Variants in GPC3 observed in about 807,000 individuals in gnomAD.
GPC3 encodes the protein glypican-3.
GPC3 carries 3 observed loss-of-function variants against 34.4 expected under a neutral mutation model. That is an observed-to-expected ratio of 0.09 (90% CI 0.04 to 0.23). The LOEUF (loss-of-function observed/expected upper bound fraction) is 0.23. Ranked by LOEUF, GPC3 falls within the 10% of genes least tolerant of loss-of-function variation. The pLI is 1.00. For synonymous variants in GPC3, 177 were observed against 174.0 expected (o/e 1.02, Z -0.13); for missense variants, 351 against 445.6 (o/e 0.79, Z 1.91).
chrX:133,858,299 G>A (rs1214396019), intron 2 of GPC3, among the ~76,000 whole-genome samples: 3 of 112,194 alleles, frequency 2.7e-5, no homozygotes, highest in Non-Finnish European at 5.6e-5. Context: ...CCCCGCTGGT[G>A]CTAAAAGGTC....
intron 2 of GPC3, among the ~76,000 whole-genome samples, chrX:133,880,600 T>C (rs1239158993): frequency 8.9e-6 from 1 of 111,966 alleles, no homozygotes; most frequent in African/African-American, 3.2e-5. Context: ...ATCTTCTATT[T>C]GATAACAAGG....
chrX:133,865,147 C>T (rs2075961019), intron 2 of GPC3, among the ~76,000 whole-genome samples: 1 of 111,694 alleles, frequency 9.0e-6, no homozygotes, highest in South Asian at 3.8e-4. Flanking sequence ...GTATCCCACA[C>T]AAAAATAAAG....
At chrX:133,772,592 C>T (rs1439059847) in intron 2 of GPC3, among the ~76,000 whole-genome samples, 2 of 111,758 alleles carry the variant, frequency 1.8e-5, no homozygotes, top group African/African-American at 6.5e-5. Flanking sequence ...CATGGCATTA[C>T]TGGAGACAGT....
intron 2 of GPC3, among the ~76,000 whole-genome samples, chrX:133,790,807 TAAA>T (rs765078863): frequency 3.7e-5 from 4 of 107,687 alleles, no homozygotes; most frequent in African/African-American, 1.3e-4. Context: ...ACCATTATGT[TAAA>T]AAAAAAATGA....
At chrX:133,588,278 T>G (rs999389053) in intron 7 of GPC3, among the ~76,000 whole-genome samples, 2 of 111,508 alleles carry the variant, frequency 1.8e-5, no homozygotes, top group Non-Finnish European at 3.8e-5. Flanking sequence ...TGCCATAATT[T>G]ATTCCTGGAC....
intron 6 of GPC3, among the ~76,000 whole-genome samples, chrX:133,608,678 G>A (rs974994583): frequency 9.0e-6 from 1 of 111,448 alleles, no homozygotes; most frequent in Non-Finnish European, 1.9e-5. Context: ...GGGGGACATC[G>A]GTTCACTATT....
intron 6 of GPC3, among the ~76,000 whole-genome samples, chrX:133,622,342 C>T (rs1401113366): frequency 2.7e-5 from 3 of 111,862 alleles, no homozygotes; most frequent in African/African-American, 3.2e-5. Context: ...TTCAGATGAT[C>T]GGTAATAACA....
intron 2 of GPC3, among the ~76,000 whole-genome samples, chrX:133,893,944 C>G (rs1029629593): frequency 3.6e-5 from 4 of 111,118 alleles, no homozygotes; most frequent in African/African-American, 1.3e-4. Context: ...CTCTGCCTCC[C>G]GGGTTCAAGT....
chrX:133,655,680 T>G (rs1408856141), intron 6 of GPC3, among the ~76,000 whole-genome samples: 1 of 112,011 alleles, frequency 8.9e-6, no homozygotes, highest in Non-Finnish European at 1.9e-5. Context: ...TTTAGAAATT[T>G]TAGCTCAATA....
rs7053232 is a variant in GPC3 at position 133,632,869 on chromosome X, T to A, written c.1413+28861A>T. Among the ~76,000 whole-genome samples the A allele has an allele frequency of 9.6e-3, 1,068 of 111,733 alleles. 13 individuals are homozygous for A. The highest frequency in any genetic ancestry group is 0.032 in the African/African-American group (993 of 30,756). ...CCATCTAACAAAGGATGTGTATATGTCTCTGTGTGTGTGTGTCTGTGTGTG... is the reference window on the plus strand; with the variant it reads ...CCATCTAACAAAGGATGTGTATATGACTCTGTGTGTGTGTGTCTGTGTGTG... On this transcript the variant is annotated intron_variant, in intron 6 of 7. Coordinates refer to ENST00000370818, the MANE Select transcript of GPC3 (RefSeq NM_004484.4).
intron 7 of GPC3, among the ~76,000 whole-genome samples, chrX:133,565,814 A>G (rs982481895): frequency 2.0e-4 from 23 of 112,481 alleles, no homozygotes; most frequent in African/African-American, 6.1e-4. Context: ...AGGAAAAAGA[A>G]TTCCTGGGAT....
chrX:133,846,218 G>A (rs1336410484), intron 2 of GPC3, among the ~76,000 whole-genome samples: 1 of 112,007 alleles, frequency 8.9e-6, no homozygotes, highest in African/African-American at 3.2e-5. Context: ...AGGCAATCTT[G>A]TTTACAAATT....
At chrX:133,824,253 C>T (rs2075735225) in intron 2 of GPC3, among the ~76,000 whole-genome samples, 1 of 111,411 alleles carries the variant, frequency 9.0e-6, no homozygotes, top group African/African-American at 3.3e-5. Context: ...AATGGTCTAA[C>T]AATCCAATTA....
chrX:133,853,487 A>G (rs2075885376), intron 2 of GPC3, among the ~76,000 whole-genome samples: 1 of 112,252 alleles, frequency 8.9e-6, no homozygotes, highest in Admixed American at 9.5e-5. Flanking sequence ...GTTACTATAT[A>G]CTTGGCAAAT....
chrX:133,696,032 T>A (rs985631639), intron 4 of GPC3, among the ~76,000 whole-genome samples: 2 of 111,703 alleles, frequency 1.8e-5, no homozygotes, highest in African/African-American at 6.5e-5. Context: ...CTCAACTAAT[T>A]CCCAGGCCCT....
At chrX:133,691,391 C>T (rs1380441477) in intron 5 of GPC3, among the ~76,000 whole-genome samples, 2 of 109,145 alleles carry the variant, frequency 1.8e-5, no homozygotes, top group African/African-American at 6.7e-5. Context: ...CACAGCTACT[C>T]GGGAGGCTGA....
chrX:133,887,299 A>G (rs1200063837), intron 2 of GPC3, among the ~76,000 whole-genome samples: 2 of 112,606 alleles, frequency 1.8e-5, no homozygotes, highest in Non-Finnish European at 3.7e-5. Flanking sequence ...AACAGTATAT[A>G]GAAGTTTTAT....
intron 2 of GPC3, among the ~76,000 whole-genome samples, chrX:133,852,258 A>G (rs1352373568): frequency 9.0e-6 from 1 of 111,702 alleles, no homozygotes; most frequent in Non-Finnish European, 1.9e-5. Context: ...TTGTAACTTC[A>G]TAAGGCCTTT....
intron 2 of GPC3, among the ~76,000 whole-genome samples, chrX:133,891,640 T>A (rs1023422193): frequency 9.4e-6 from 1 of 106,737 alleles, no homozygotes; most frequent in African/African-American, 3.4e-5. Flanking sequence ...AAATAAATAA[T>A]TATTATAATA....
Sources: allele counts gnomAD v4.1 joint callset (sites outside exome capture counted in the v4.1 genomes callset), GRCh38; gene constraint gnomAD v4.1.1; transcripts MANE v1.5; gene names NCBI Gene and HGNC (gene_info 2026-07-23, HGNC 2026-07-21).